SERPINB10: variants seen among roughly 807,000 people sequenced by gnomAD.
SERPINB10 encodes serpin B10.
SERPINB10 carries 35 observed loss-of-function variants against 39.1 expected under a neutral mutation model. That is an observed-to-expected ratio of 0.90 (90% CI 0.68 to 1.19). SERPINB10 has a LOEUF of 1.19. Ranked by LOEUF, SERPINB10 falls within the 50% of genes most tolerant of loss-of-function variation. The pLI, the probability that SERPINB10 is intolerant of heterozygous loss-of-function variation, is 0.00. For synonymous variants in SERPINB10, 190 were observed against 158.1 expected, an observed-to-expected ratio of 1.20 and a Z score of -1.52; for missense variants, 546 against 460.5, an observed-to-expected ratio of 1.19 and a Z score of -1.70.
chr18:63,919,150 C>T (rs8098414), intron 4 of SERPINB10, among the ~76,000 whole-genome samples: 16,866 of 151,530 alleles, frequency 0.11, 2,175 homozygotes, highest in African/African-American at 0.3. Context: ...AGGCAGATGC[C>T]TCCATAACAG....
At chr18:63,928,348 T>A (rs1568248908) in intron 5 of SERPINB10, among the ~76,000 whole-genome samples, 2 of 152,068 alleles carry the variant, frequency 1.3e-5, no homozygotes. Flanking sequence ...ATTCGAGAGA[T>A]ATATATTTGA....
intron 5 of SERPINB10, among the ~76,000 whole-genome samples, chr18:63,922,435 C>T (rs2050152897): frequency 6.6e-6 from 1 of 151,946 alleles, no homozygotes. Flanking sequence ...ACAAATTCAA[C>T]ATAGCAGGAG....
At chr18:63,932,589 A>G (rs2144740092) in intron 6 of SERPINB10, among the ~76,000 whole-genome samples, 1 of 152,076 alleles carries the variant, frequency 6.6e-6, no homozygotes, top group South Asian at 2.1e-4. Context: ...GTTTTTTATT[A>G]TTTGTTGAGT....
intron 1 of SERPINB10, among the ~76,000 whole-genome samples, chr18:63,912,826 T>A (rs2144718718): frequency 6.6e-6 from 1 of 152,172 alleles, no homozygotes; most frequent in East Asian, 1.9e-4. Context: ...TCCTCTTTAA[T>A]TTTTTGAAAT....
intron 1 of SERPINB10, among the ~76,000 whole-genome samples, chr18:63,910,828 T>C (rs923161721): frequency 6.6e-6 from 1 of 151,914 alleles, no homozygotes; most frequent in African/African-American, 2.4e-5. Context: ...TACCCAGTAA[T>C]GGGATTGCTG....
Position 63,917,970 on chromosome 18 carries a change from C to A in SERPINB10, c.240C>A (p.Phe80Leu). The A allele has an allele frequency of 3.1e-6, 5 of 1,611,474 alleles. No homozygotes were observed. Among genetic ancestry groups the A allele is most frequent in the Non-Finnish European group, 4.2e-6 (5 of 1,178,462 alleles). Residue 80 changes from phenylalanine to leucine, a missense_variant, in exon 4 of 8, where the codon TTC (phenylalanine) becomes TTA (leucine). By Grantham distance (22) the Phe-to-Leu change is conservative (BLOSUM62 0). Transcript: ENST00000238508. ...PESEKKRKME[F>L]NLSNSEEIHS... The stretch of plus-strand genomic sequence containing the variant: ...TAGTTCCTTCTCTTTTAAAGGAATT[C>A]AACTTGAGCAACTCGGAAGAAATAC...
intron 1 of SERPINB10, among the ~76,000 whole-genome samples, chr18:63,909,665 C>A (rs543133711): frequency 1.2e-4 from 19 of 152,010 alleles, no homozygotes; most frequent in Non-Finnish European, 2.4e-4. Flanking sequence ...AAACCCCAGC[C>A]TCTGAAATGG....
Position 63,915,734 on chromosome 18 carries a change from C to T in SERPINB10, c.168+56C>T, listed in dbSNP as rs114792778. On this transcript the variant is annotated intron_variant, in intron 2 of 7. Transcript: ENST00000238508. ...TCTTGTAAGCTAAGTGCTTTCATTG[C>T]CTTTTAACTTCAGTTTTCTCTTGAC... The T allele has an allele frequency of 9.6e-5, 137 of 1,425,876 alleles. No homozygotes were observed. The African/African-American group carries it at 1.3e-3, about 14-fold the overall frequency. The allele number at this position is 1,425,876 out of a possible 1,614,324, so 88.3% of individuals were successfully genotyped here. A position where few individuals can be genotyped will look rare whatever the true frequency, so the allele number is the denominator to read the frequency against.
At chr18:63,931,779 A>G (rs1055636348) in intron 6 of SERPINB10, among the ~76,000 whole-genome samples, 2 of 152,180 alleles carry the variant, frequency 1.3e-5, no homozygotes, top group African/African-American at 4.8e-5. Flanking sequence ...ACTAAAATCT[A>G]TAGTTTACAT....
chr18:63,908,873 A>G (rs2050044359), intron 1 of SERPINB10, among the ~76,000 whole-genome samples: 1 of 152,046 alleles, frequency 6.6e-6, no homozygotes, highest in African/African-American at 2.4e-5. Context: ...ATGGTTCTCC[A>G]TCATGTAATC....
chr18:63,908,765 T>A (rs926263030), intron 1 of SERPINB10, among the ~76,000 whole-genome samples: 5 of 151,982 alleles, frequency 3.3e-5, no homozygotes, highest in African/African-American at 1.2e-4. Flanking sequence ...GGAGGTAATA[T>A]TATCAGTATC....
At chr18:63,919,624 G>A (rs1170454508) in intron 4 of SERPINB10, among the ~76,000 whole-genome samples, 164 bp from the exon 5 acceptor site, 1 of 151,984 alleles carries the variant, frequency 6.6e-6, no homozygotes, top group Non-Finnish European at 1.5e-5. Flanking sequence ...AGAGTGAGGT[G>A]TTTAGTTTTT....
chr18:63,908,105 G>T (rs114997242), intron 1 of SERPINB10, 65 bp downstream of exon 1: 2,703 of 265,526 alleles, frequency 0.01, 94 homozygotes, highest in African/African-American at 0.059. Flanking sequence ...GAAGTGCCCA[G>T]CTAGGTAACA....
intron 5 of SERPINB10, among the ~76,000 whole-genome samples, chr18:63,923,866 G>A (rs755932053): frequency 1.4e-4 from 21 of 151,602 alleles, no homozygotes; most frequent in Non-Finnish European, 2.5e-4. Context: ...TCATGATTTT[G>A]CTCCAGCCGT....
intron 5 of SERPINB10, among the ~76,000 whole-genome samples, chr18:63,924,415 G>T (rs2050166786): frequency 6.6e-6 from 1 of 151,934 alleles, no homozygotes; most frequent in Non-Finnish European, 1.5e-5. Flanking sequence ...ACCCAGGGAG[G>T]TATAGAAAGT....
At chr18:63,909,447 A>T (rs531717790) in intron 1 of SERPINB10, among the ~76,000 whole-genome samples, 109 of 152,152 alleles carry the variant, frequency 7.2e-4, no homozygotes, top group Admixed American at 1.2e-3. Context: ...AGATTTCTTT[A>T]AAAAAAGAAA....
At chr18:63,925,649 T>C (rs556556209) in intron 5 of SERPINB10, among the ~76,000 whole-genome samples, 1 of 152,046 alleles carries the variant, frequency 6.6e-6, no homozygotes, top group East Asian at 1.9e-4. Context: ...AAACAAATAA[T>C]TGAAGATCCA....
intron 3 of SERPINB10, 76 bp downstream of exon 3, chr18:63,917,597 G>A: frequency 1.2e-6 from 1 of 840,166 alleles, no homozygotes; most frequent in East Asian, 2.9e-5. Context: ...AGTGATAACT[G>A]AAGCAACTTT....
At chr18:63,913,587 T>C (rs528613108) in intron 1 of SERPINB10, among the ~76,000 whole-genome samples, 37 of 152,170 alleles carry the variant, frequency 2.4e-4, no homozygotes, top group Middle Eastern at 3.4e-3. Context: ...TTTTGAGAAA[T>C]CTTCTTGGCA....
Sources: gnomAD v4.1 joint callset for allele counts (sites outside exome capture counted in the v4.1 genomes callset) on GRCh38, gnomAD v4.1.1 for gene constraint, MANE v1.5 for transcripts, NCBI Gene and HGNC (gene_info 2026-07-23, HGNC 2026-07-21) for gene names.